Variants in LRRC8E observed in about 807,000 individuals in gnomAD.
LRRC8E encodes the protein volume-regulated anion channel subunit LRRC8E.
A neutral mutation model predicts 6.1 loss-of-function variants in LRRC8E; 6 were observed. That is an observed-to-expected ratio of 0.98 (90% CI 0.54 to 1.93). LRRC8E has a LOEUF of 1.93. LRRC8E is among the 30% of genes most tolerant of loss of function. The pLI, the probability that LRRC8E is intolerant of heterozygous loss-of-function variation, is 0.01. For missense variants in LRRC8E, 1,028 were observed against 1,031.4 expected, an observed-to-expected ratio of 1.00 and a Z score of 0.04; for synonymous variants, 485 against 472.8, an observed-to-expected ratio of 1.03 and a Z score of -0.33.
rs1404668477 is a variant in LRRC8E at position 7,899,098 on chromosome 19, G to T, written c.576G>T (p.Gly192=). The T allele has an allele frequency of 6.2e-7, 1 of 1,612,950 alleles. No individual in the cohort carries two copies. Among genetic ancestry groups the T allele is most frequent in the Admixed American group, 1.7e-5 (1 of 59,992 alleles). The change falls in exon 3 of 3, where the codon GGG becomes GGT. Residue 192 remains glycine, a synonymous_variant. Coordinates refer to ENST00000306708, the MANE Select transcript of LRRC8E (RefSeq NM_025061.6). ...RAAATIVAMA[G]TGPGKAGEGE... ...CGGCCACCATAGTGGCCATGGCAGG[G>T]ACCGGGCCGGGGAAGGCAGGGGAGG...
In LRRC8E at chr19:7,901,005, T is replaced by A; in HGVS notation, c.*92T>A. 1 of 512,648 alleles carries A rather than the reference T, an allele frequency of 2.0e-6. No individual in the cohort carries two copies. The highest frequency in any genetic ancestry group is 3.2e-6 in the Non-Finnish European group (1 of 317,086). 31.8% of individuals were successfully genotyped at this position (512,648 alleles called of 1,614,324 possible). ...CTTCCAAGATAGGAAGCCAAGTGGG[T>A]CCAGGCCAGGAGATGGGGGGGGCGG... On this transcript the variant is annotated 3_prime_UTR_variant, in exon 3 of 3. Coordinates refer to ENST00000306708, the MANE Select transcript of LRRC8E (RefSeq NM_025061.6).
chr19:7,900,311 A>G lies in LRRC8E; in HGVS notation c.1789A>G (p.Ile597Val). The change falls in exon 3 of 3, where the codon ATC becomes GTC. Residue 597 changes from isoleucine to valine, a missense_variant. By Grantham distance (29) the Ile-to-Val change is conservative. Transcript: ENST00000306708. The surrounding 1 kb of genome is among the most constrained non-coding windows in gnomAD (Gnocchi z 5.0). ...GCTGGTGGCCTGCGGGCTGGAGCGC[A>G]TCCCCCATGCAGTGTTCAGCCTGGG... The part of the protein sequence containing the change: ...LELVACGLER[I>V]PHAVFSLGAL... The G allele has an allele frequency of 2.5e-6, 4 of 1,613,322 alleles. No individual in the cohort carries two copies. The highest frequency in any genetic ancestry group is 3.4e-6 in the Non-Finnish European group (4 of 1,180,020).
Position 7,899,079 on chromosome 19 carries a change from C to T in LRRC8E, c.557C>T (p.Thr186Ile), listed in dbSNP as rs765287261. ...GPAATERAAA[T>I]IVAMAGTGPG... ...GCAGCCACCGAACGGGCTGCGGCCA[C>T]CATAGTGGCCATGGCAGGGACCGGG... Residue 186 changes from threonine (T) to isoleucine (I), a missense_variant, in exon 3 of 3, where the codon ACC (threonine) becomes ATC (isoleucine). By Grantham distance (89) the Thr-to-Ile change is moderately conservative. Coordinates refer to ENST00000306708, the MANE Select transcript of LRRC8E (RefSeq NM_025061.6). 2.5e-6 allele frequency: 4 copies of T among 1,612,832 alleles called. No individual in the cohort carries two copies. Among genetic ancestry groups the T allele is most frequent in the Admixed American group, 1.7e-5 (1 of 59,972 alleles).
rs1331703859 is a variant in LRRC8E at position 7,900,773 on chromosome 19, G to T, written c.2251G>T (p.Glu751Ter). The change falls in exon 3 of 3, where the codon GAG becomes TAG. Residue 751 changes from glutamate to a stop codon, truncating the protein, a stop_gained. Transcript: ENST00000306708. LOFTEE classifies it low-confidence loss of function (END_TRUNC). This position sits in a 1 kb window ranked among gnomAD's most constrained non-coding sequence, Gnocchi z 5.0. ...TGCCCTCAGAGCCCTCAGCCGCCTGGAGCTCAAAGGCAACCGCTTAGAGGC... is the reference window on the plus strand; with the variant it reads ...TGCCCTCAGAGCCCTCAGCCGCCTGTAGCTCAAAGGCAACCGCTTAGAGGC... ...VGALRALSRL[E>*]LKGNRLEALP... 6.2e-7 allele frequency: 1 copy of T among 1,610,000 alleles called. No homozygotes were observed. Among genetic ancestry groups the T allele is most frequent in the African/African-American group, 1.3e-5 (1 of 74,810 alleles).
In LRRC8E at chr19:7,895,591, TC is replaced by T. The variant is rs770207847; in HGVS notation, c.-5-5del. On this transcript the variant is annotated splice_polypyrimidine_tract_variant and splice_region_variant and intron_variant, in intron 1 of 2. Transcript: ENST00000306708. The surrounding 1 kb of genome is among the most constrained non-coding windows in gnomAD (Gnocchi z 4.7). ...TCTCTACACCCCCCGTCTCGTCCCG[TC>T]CCACAGGCAGCATGATCCCAGTGGC... 6.2e-7 allele frequency: 1 copy of T among 1,610,448 alleles called. No homozygotes were observed. Among genetic ancestry groups the T allele is most frequent in the South Asian group, 1.1e-5 (1 of 91,034 alleles).
intron 1 of LRRC8E, among the ~76,000 whole-genome samples, chr19:7,891,486 C>T (rs1981304095): frequency 6.6e-6 from 1 of 151,612 alleles, no homozygotes; most frequent in Non-Finnish European, 1.5e-5. Flanking sequence ...GTGGAGCTTA[C>T]ACCAGGGTGG....
intron 1 of LRRC8E, among the ~76,000 whole-genome samples, chr19:7,894,517 G>A (rs891967997): frequency 6.6e-6 from 1 of 152,178 alleles, no homozygotes; most frequent in Non-Finnish European, 1.5e-5. Context: ...ATGAGCCACC[G>A]CGCCCAGCCC....
At chr19:7,890,614 C>T (rs1407779149) in intron 1 of LRRC8E, among the ~76,000 whole-genome samples, 1 of 151,936 alleles carries the variant, frequency 6.6e-6, no homozygotes, top group Non-Finnish European at 1.5e-5. Flanking sequence ...ACAGTGAAAC[C>T]CCGTCTCTAC....
chr19:7,897,484 G>GTTT (rs541032744), intron 2 of LRRC8E, among the ~76,000 whole-genome samples: 21 of 124,656 alleles, frequency 1.7e-4, no homozygotes, highest in Admixed American at 8.6e-4. Flanking sequence ...GGTCGAGACA[G>GTTT]TTTTTTTTTT....
Position 7,900,359 on chromosome 19 carries a change from A to G in LRRC8E, c.1837A>G (p.Lys613Glu). 6.2e-7 allele frequency: 1 copy of G among 1,613,020 alleles called. No homozygotes were observed. Reference protein sequence around the residue: ...SLGALQELDLKDNHLRSIEEI... With the variant: ...SLGALQELDLEDNHLRSIEEI... ...GGGTGCGCTGCAGGAACTTGACCTC[A>G]AGGACAACCACCTGCGCTCCATCGA... is the stretch of plus-strand genomic sequence containing the variant. Residue 613 changes from lysine (K) to glutamate (E), a missense_variant, in exon 3 of 3, where the codon AAG (lysine) becomes GAG (glutamate). Transcript: ENST00000306708. This position sits in a 1 kb window ranked among gnomAD's most constrained non-coding sequence, Gnocchi z 5.0.
At chr19:7,897,172 C>CTTTTTTTTTTTTTTT (rs147426486) in intron 2 of LRRC8E, among the ~76,000 whole-genome samples, 1 of 147,400 alleles carries the variant, frequency 6.8e-6, no homozygotes, top group Admixed American at 6.8e-5. Flanking sequence ...TTTTCTTTTT[C>CTTTTTTTTTTTTTTT]TTTTTCTTTT....
Position 7,900,258 on chromosome 19 carries a change from A to G in LRRC8E, c.1736A>G (p.Lys579Arg). 1 of 1,613,404 alleles carries G rather than the reference A, an allele frequency of 6.2e-7. No homozygotes were observed. The highest frequency in any genetic ancestry group is 8.5e-7 in the Non-Finnish European group (1 of 1,180,022). ...CGTCTGGTTGCCCTGAACAGCCTCA[A>G]GAAGCTGGCGGCATTGCGGGAGCTG... The part of the protein sequence containing the change: ...GARLVALNSL[K>R]KLAALRELEL... The change falls in exon 3 of 3, where the codon AAG (lysine) becomes AGG (arginine). Residue 579 changes from lysine to arginine, a missense_variant. By Grantham distance (26) the Lys-to-Arg change is conservative (BLOSUM62 2). Coordinates refer to ENST00000306708, the MANE Select transcript of LRRC8E (RefSeq NM_025061.6). The surrounding 1 kb of genome is among the most constrained non-coding windows in gnomAD (Gnocchi z 5.0).
intron 1 of LRRC8E, 78 bp downstream of exon 1, chr19:7,888,678 G>T (rs1368935868): frequency 3.3e-5 from 5 of 152,240 alleles, no homozygotes; most frequent in Admixed American, 2.6e-4. Context: ...CCCGGGTCTG[G>T]ACAAGGGGCA....
At chr19:7,891,852 C>G (rs568473454) in intron 1 of LRRC8E, among the ~76,000 whole-genome samples, 29 of 152,096 alleles carry the variant, frequency 1.9e-4, no homozygotes, top group African/African-American at 6.5e-4. Flanking sequence ...TCAAATTATC[C>G]GCCTACCTTG....
Position 7,901,021 on chromosome 19 carries a change from G to GGC in LRRC8E, c.*109_*110insCG, listed in dbSNP as rs1275505176. The GGC allele has an allele frequency of 1.6e-6, 1 of 626,086 alleles. No homozygotes were observed. Among genetic ancestry groups the GGC allele is most frequent in the East Asian group, 6.0e-5 (1 of 16,538 alleles). The allele number at this position is 626,086 out of a possible 1,614,324, so 38.8% of individuals were successfully genotyped here. ...CCAAGTGGGTCCAGGCCAGGAGATG[G>GGC]GGGGGGCGGGGGCAGCTGTGTCATC... On this transcript the variant is annotated 3_prime_UTR_variant, in exon 3 of 3. Coordinates refer to ENST00000306708, the MANE Select transcript of LRRC8E (RefSeq NM_025061.6).
At chr19:7,890,402 GT>G (rs932001785) in intron 1 of LRRC8E, among the ~76,000 whole-genome samples, 125 of 151,894 alleles carry the variant, frequency 8.2e-4, no homozygotes, top group African/African-American at 2.9e-3. Context: ...GTTGTTGTTT[GT>G]TTTTTGAGAT....
chr19:7,898,888 G>A lies in LRRC8E; in HGVS notation c.366G>A (p.Val122=). Residue 122 remains valine, a synonymous_variant, in exon 3 of 3, where the codon GTG becomes GTA. Coordinates refer to ENST00000306708, the MANE Select transcript of LRRC8E (RefSeq NM_025061.6). Reference sequence around the variant, plus strand: ...ATGCCAAGTACTTCCCTTACCTCGTGGTCATTCACACACTCATCTTCATGG... The same window carrying A: ...ATGCCAAGTACTTCCCTTACCTCGTAGTCATTCACACACTCATCTTCATGG... ...HWYAKYFPYL[V]VIHTLIFMVC... The A allele has an allele frequency of 6.2e-7, 1 of 1,614,166 alleles. No homozygotes were observed. Among genetic ancestry groups the A allele is most frequent in the Non-Finnish European group, 8.5e-7 (1 of 1,180,028 alleles).
Position 7,900,664 on chromosome 19 carries a change from G to C in LRRC8E, c.2142G>C (p.Leu714=). 6.2e-7 allele frequency: 1 copy of C among 1,613,450 alleles called. No individual in the cohort carries two copies. ...LALSYNALEA[L]PEELFFCRKL... Reference sequence around the variant, plus strand: ...TCTCCTACAATGCCCTGGAGGCCCTGCCCGAAGAGCTCTTCTTCTGCCGCA... The same window carrying C: ...TCTCCTACAATGCCCTGGAGGCCCTCCCCGAAGAGCTCTTCTTCTGCCGCA... Residue 714 remains leucine (L), a synonymous_variant, in exon 3 of 3, where the codon CTG becomes CTC. Transcript: ENST00000306708. The surrounding 1 kb of genome is among the most constrained non-coding windows in gnomAD (Gnocchi z 5.0).
intron 2 of LRRC8E, among the ~76,000 whole-genome samples, chr19:7,897,887 C>G (rs941746569): frequency 2.6e-5 from 4 of 151,980 alleles, no homozygotes; most frequent in Non-Finnish European, 5.9e-5. Context: ...TGTGGGGACA[C>G]GATTCAACCC....
Sources: allele counts gnomAD v4.1 joint callset (sites outside exome capture counted in the v4.1 genomes callset), GRCh38; gene constraint gnomAD v4.1.1; non-coding constraint Gnocchi (gnomAD v3.1); transcripts MANE v1.5; gene names NCBI Gene and HGNC (gene_info 2026-07-23, HGNC 2026-07-21).